The following MEGF10 variants were observed in gnomAD, a reference collection of about 807,000 sequenced individuals.
MEGF10 encodes multiple epidermal growth factor-like domains protein 10.
In MEGF10, 86 loss-of-function variants were observed where a neutral mutation model predicts 147.5. The ratio of observed to expected loss-of-function variants is 0.58; its 90% CI spans 0.49 to 0.70. The LOEUF (loss-of-function observed/expected upper bound fraction) is 0.70. Ranked by LOEUF, MEGF10 falls within the 30% of genes least tolerant of loss-of-function variation. The probability of loss-of-function intolerance (pLI) is 0.00; values close to 1 mark genes in which losing one functional copy is unlikely to be tolerated. For missense variants in MEGF10, 1,329 were observed against 1,487.3 expected (o/e 0.89, Z 1.75); for synonymous variants, 478 against 525.5 (o/e 0.91, Z 1.24).
At chr5:127,398,103 A>T (rs896048753) in intron 6 of MEGF10, among the ~76,000 whole-genome samples, 3 of 151,864 alleles carry the variant, frequency 2.0e-5, no homozygotes. Flanking sequence ...ATTAGGACAA[A>T]TACCTAATGC....
chr5:127,361,234 G>A (rs899277037), intron 4 of MEGF10, among the ~76,000 whole-genome samples: 5 of 151,730 alleles, frequency 3.3e-5, no homozygotes, highest in African/African-American at 1.2e-4. Flanking sequence ...AAATATATAG[G>A]TCCATTCAGG....
At chr5:127,374,441 C>T (rs189445764) in intron 5 of MEGF10, among the ~76,000 whole-genome samples, 137 of 152,322 alleles carry the variant, frequency 9.0e-4, no homozygotes, top group Non-Finnish European at 1.8e-3. Flanking sequence ...AAACTGATAA[C>T]TGTTGACGCA....
At chr5:127,300,552 T>C (rs73785576) in intron 1 of MEGF10, among the ~76,000 whole-genome samples, 10,899 of 152,286 alleles carry the variant, frequency 0.072, 668 homozygotes, top group African/African-American at 0.16. Flanking sequence ...TATGGGTATG[T>C]TCAGTTTGTG....
chr5:127,298,984 G>A (rs977848493), intron 1 of MEGF10, among the ~76,000 whole-genome samples: 1 of 152,118 alleles, frequency 6.6e-6, no homozygotes, highest in African/African-American at 2.4e-5. Context: ...ATCTGGGAAG[G>A]AAAAAAGTAA....
intron 13 of MEGF10, among the ~76,000 whole-genome samples, chr5:127,426,455 A>G (rs1189821725): frequency 6.6e-6 from 1 of 152,216 alleles, no homozygotes; most frequent in African/African-American, 2.4e-5. Flanking sequence ...TTTAGCCAAT[A>G]CACTATTTTA....
chr5:127,391,102 GCACACA>G (rs70997334), intron 5 of MEGF10, among the ~76,000 whole-genome samples: 660 of 53,866 alleles, frequency 0.012, 2 homozygotes, highest in Admixed American at 0.028. Context: ...GCGCGCGCGC[GCACACA>G]CACACACACA....
chr5:127,241,398 G>A, the MEGF10 span, among the ~76,000 whole-genome samples: 1 of 152,164 alleles, frequency 6.6e-6, no homozygotes, highest in Non-Finnish European at 1.5e-5. Flanking sequence ...ACAAAGGAAT[G>A]TTCATGAAGC....
At chr5:127,422,794 T>C (rs1386223350) in intron 13 of MEGF10, 22 bp downstream of exon 13, 3 of 1,592,608 alleles carry the variant, frequency 1.9e-6, no homozygotes, top group African/African-American at 1.3e-5. Flanking sequence ...GGACCGCTAA[T>C]TGAAAGGTGA....
At chr5:127,418,286 C>A (rs561773523) in intron 10 of MEGF10, among the ~76,000 whole-genome samples, 53 of 152,270 alleles carry the variant, frequency 3.5e-4, no homozygotes, top group African/African-American at 1.2e-3. Context: ...TGTCTATATT[C>A]CATGCATAAT....
upstream of MEGF10, among the ~76,000 whole-genome samples, chr5:127,286,945 A>G (rs552223427): frequency 7.9e-5 from 12 of 152,118 alleles, no homozygotes; most frequent in East Asian, 2.3e-3. Context: ...CAAATATATA[A>G]TACATTACAT....
At chr5:127,456,721 G>T (rs368268111) in intron 24 of MEGF10, among the ~76,000 whole-genome samples, 1 of 152,194 alleles carries the variant, frequency 6.6e-6, no homozygotes, top group Non-Finnish European at 1.5e-5. Flanking sequence ...GAGAGCCTGA[G>T]TCTTGAGTCC....
the MEGF10 span, among the ~76,000 whole-genome samples, chr5:127,247,372 AAG>A: frequency 5.8e-5 from 1 of 17,238 alleles, no homozygotes; most frequent in East Asian, 1.3e-3. Flanking sequence ...GAAGAAGAAG[AAG>A]AAGAAGAAGA....
intron 9 of MEGF10, among the ~76,000 whole-genome samples, chr5:127,416,052 G>C (rs778612979): frequency 1.3e-4 from 18 of 142,734 alleles, no homozygotes; most frequent in Non-Finnish European, 4.5e-5. Flanking sequence ...TTTTTGAGAC[G>C]GAGTCTCGCT....
intron 5 of MEGF10, among the ~76,000 whole-genome samples, chr5:127,385,782 A>T (rs926838029): frequency 5.9e-5 from 9 of 152,194 alleles, no homozygotes; most frequent in Admixed American, 3.9e-4. Context: ...TCCCAAGGCT[A>T]TTAAACTAAG....
chr5:127,244,335 A>C, the MEGF10 span, among the ~76,000 whole-genome samples: 1 of 151,266 alleles, frequency 6.6e-6, no homozygotes, highest in South Asian at 2.1e-4. Flanking sequence ...ACTGCACTGC[A>C]GCCTCCAGCC....
chr5:127,451,271 A>G (rs545645699), intron 22 of MEGF10, among the ~76,000 whole-genome samples: 1 of 152,362 alleles, frequency 6.6e-6, no homozygotes, highest in Non-Finnish European at 1.5e-5. Context: ...TGAGCCAGTC[A>G]TAGGAACTGA....
chr5:127,290,505 C>T (rs551185566), upstream of MEGF10, among the ~76,000 whole-genome samples: 5 of 152,306 alleles, frequency 3.3e-5, no homozygotes, highest in South Asian at 6.2e-4. Flanking sequence ...ACTCTGACAC[C>T]CCTTCGGTCA....
chr5:127,277,252 A>G, the MEGF10 span, among the ~76,000 whole-genome samples: 1 of 152,174 alleles, frequency 6.6e-6, no homozygotes, highest in African/African-American at 2.4e-5. Context: ...TTCAACAGAA[A>G]AGAACTTCAT....
the MEGF10 span, among the ~76,000 whole-genome samples, chr5:127,272,429 T>A: frequency 2.0e-5 from 3 of 152,310 alleles, no homozygotes; most frequent in East Asian, 5.8e-4. Context: ...GGGTTCTATA[T>A]GAATTTTAAA....
Sources: gnomAD v4.1 joint callset for allele counts (sites outside exome capture counted in the v4.1 genomes callset) on GRCh38, gnomAD v4.1.1 for gene constraint, MANE v1.5 for transcripts, NCBI Gene and HGNC (gene_info 2026-07-23, HGNC 2026-07-21) for gene names.